Variants in LINGO2 observed in about 807,000 individuals in gnomAD.
The protein encoded by LINGO2 is leucine-rich repeat and immunoglobulin-like domain-containing nogo receptor-interacting protein 2.
Under a neutral mutation model 30.6 loss-of-function variants are expected in LINGO2, and 14 were observed. The ratio of observed to expected loss-of-function variants is 0.46; its 90% CI spans 0.30 to 0.72. The LOEUF (loss-of-function observed/expected upper bound fraction) is 0.72, where lower values mean the gene tolerates loss of function less well. LINGO2 is among the 30% of genes least tolerant of loss of function. The probability of loss-of-function intolerance (pLI) is 0.07; values close to 1 mark genes in which losing one functional copy is unlikely to be tolerated. For missense variants in LINGO2, 729 were observed against 751.7 expected, an observed-to-expected ratio of 0.97 and a Z score of 0.35; for synonymous variants, 317 against 288.5, an observed-to-expected ratio of 1.10 and a Z score of -1.00.
the LINGO2 span, among the ~76,000 whole-genome samples, chr9:29,189,487 C>T: frequency 1.6e-3 from 242 of 151,774 alleles, 1 homozygote; most frequent in African/African-American, 5.7e-3. Context: ...CCTCACATCC[C>T]AGACGGGGCG....
intron 3 of LINGO2, among the ~76,000 whole-genome samples, chr9:28,313,999 T>C (rs1824734353): frequency 6.6e-6 from 1 of 152,118 alleles, no homozygotes; most frequent in Admixed American, 6.5e-5. Flanking sequence ...AGTGGCGCGA[T>C]CTTGGCTCAC....
chr9:28,142,318 AAAGT>A (rs1291535269), intron 4 of LINGO2, among the ~76,000 whole-genome samples: 2 of 152,140 alleles, frequency 1.3e-5, no homozygotes, highest in African/African-American at 4.8e-5. Context: ...ATGTTTCCTT[AAAGT>A]AAGTATTTTT....
the LINGO2 span, among the ~76,000 whole-genome samples, chr9:29,150,237 T>C: frequency 6.1e-4 from 93 of 152,326 alleles, 3 homozygotes; most frequent in South Asian, 0.017. Context: ...ATACAAAGCA[T>C]TGGCCCTCCG....
chr9:29,205,337 C>T, the LINGO2 span, among the ~76,000 whole-genome samples: 2 of 152,028 alleles, frequency 1.3e-5, no homozygotes, highest in Non-Finnish European at 2.9e-5. Flanking sequence ...CCATGCTTGG[C>T]CAGTTTTTCT....
intron 1 of LINGO2, among the ~76,000 whole-genome samples, chr9:28,550,425 A>C (rs1287828176): frequency 6.6e-6 from 1 of 151,776 alleles, no homozygotes; most frequent in Non-Finnish European, 1.5e-5. Context: ...ATTTTCAATG[A>C]CTGTATTTTT....
chr9:28,190,953 A>G (rs577683889), intron 4 of LINGO2, among the ~76,000 whole-genome samples: 1 of 152,350 alleles, frequency 6.6e-6, no homozygotes, highest in Non-Finnish European at 1.5e-5. Context: ...CAGTGACCAA[A>G]TAATTTGCAA....
chr9:27,960,531 C>T (rs1819788205), intron 5 of LINGO2, among the ~76,000 whole-genome samples: 11 of 151,962 alleles, frequency 7.2e-5, no homozygotes, highest in Admixed American at 7.2e-4. Flanking sequence ...GTGATTCAGC[C>T]ATCTGTAACA....
At chr9:28,477,876 T>C (rs1825790627) in intron 1 of LINGO2, among the ~76,000 whole-genome samples, 1 of 152,214 alleles carries the variant, frequency 6.6e-6, no homozygotes, top group South Asian at 2.1e-4. Context: ...TGAAATGAGC[T>C]GGCTGCAGCC....
At chr9:28,387,873 T>C (rs754532252) in intron 2 of LINGO2, among the ~76,000 whole-genome samples, 2 of 151,960 alleles carry the variant, frequency 1.3e-5, no homozygotes, top group African/African-American at 2.4e-5. Context: ...TCCAGACACG[T>C]CTGAACATCA....
chr9:29,039,470 A>G, the LINGO2 span, among the ~76,000 whole-genome samples: 2 of 152,182 alleles, frequency 1.3e-5, no homozygotes, highest in African/African-American at 4.8e-5. Context: ...GTAAGGCTAC[A>G]TGTAGCAAAA....
the LINGO2 span, among the ~76,000 whole-genome samples, chr9:29,014,622 C>A: frequency 6.6e-6 from 1 of 152,138 alleles, no homozygotes; most frequent in Non-Finnish European, 1.5e-5. Context: ...GGCCTAGACA[C>A]AAATCCTAGT....
the LINGO2 span, among the ~76,000 whole-genome samples, chr9:29,034,548 G>C: frequency 6.6e-6 from 1 of 151,944 alleles, no homozygotes; most frequent in African/African-American, 2.4e-5. Context: ...TCCTTTTTTG[G>C]AGAGGTACAT....
intron 4 of LINGO2, among the ~76,000 whole-genome samples, chr9:28,057,209 C>T (rs1824970047): frequency 6.6e-6 from 1 of 151,966 alleles, no homozygotes; most frequent in Non-Finnish European, 1.5e-5. Flanking sequence ...CTGAGGTATT[C>T]CAACTGATTT....
At chr9:28,878,255 C>T in the LINGO2 span, among the ~76,000 whole-genome samples, 16 of 152,044 alleles carry the variant, frequency 1.1e-4, no homozygotes, top group Non-Finnish European at 1.9e-4. Flanking sequence ...GGATAAATTC[C>T]TCGACACATA....
At chr9:28,038,113 G>A (rs1472805010) in intron 4 of LINGO2, among the ~76,000 whole-genome samples, 1 of 152,142 alleles carries the variant, frequency 6.6e-6, no homozygotes, top group East Asian at 1.9e-4. Flanking sequence ...AGATAATTCT[G>A]AAAAATGAGT....
intron 4 of LINGO2, among the ~76,000 whole-genome samples, chr9:28,044,423 C>T (rs1373215483): frequency 6.6e-6 from 1 of 152,016 alleles, no homozygotes; most frequent in African/African-American, 2.4e-5. Context: ...GGGGGCTGCC[C>T]CATGCATCAT....
At chr9:28,682,027 G>A in the LINGO2 span, among the ~76,000 whole-genome samples, 1 of 152,110 alleles carries the variant, frequency 6.6e-6, no homozygotes, top group Non-Finnish European at 1.5e-5. Flanking sequence ...CAGAACTTTG[G>A]CTTCCAGATC....
At chr9:28,283,925 A>G (rs756364547) in intron 4 of LINGO2, among the ~76,000 whole-genome samples, 61 of 152,174 alleles carry the variant, frequency 4.0e-4, no homozygotes, top group Admixed American at 8.5e-4. Flanking sequence ...CTTCAGCAGT[A>G]TGTTAATTTC....
intron 2 of LINGO2, among the ~76,000 whole-genome samples, chr9:28,451,641 C>G (rs903424673): frequency 4.6e-5 from 7 of 151,844 alleles, no homozygotes; most frequent in Middle Eastern, 3.4e-3. Flanking sequence ...TATTGACAAT[C>G]TCTTTAGAAT....
Sources: allele counts gnomAD v4.1 joint callset (sites outside exome capture counted in the v4.1 genomes callset), GRCh38; gene constraint gnomAD v4.1.1; transcripts MANE v1.5; gene names NCBI Gene and HGNC (gene_info 2026-07-23, HGNC 2026-07-21).